Variants in CAPN11 observed in about 807,000 individuals in gnomAD.
CAPN11 encodes the protein calpain-11.
In CAPN11, 108 loss-of-function variants were observed where a neutral mutation model predicts 105.3. The observed-to-expected ratio is 1.03, with a 90% confidence interval of 0.88 to 1.20. The LOEUF is 1.20. CAPN11 is among the 50% of genes most tolerant of loss of function. The pLI is 0.00. For missense variants in CAPN11, 883 were observed against 924.8 expected, an observed-to-expected ratio of 0.95 and a Z score of 0.59; for synonymous variants, 329 against 344.5, an observed-to-expected ratio of 0.96 and a Z score of 0.50.
In CAPN11 at chr6:44,180,511, C is replaced by G. The variant is rs754663276; in HGVS notation, c.1680+12C>G. 7 of 1,613,588 alleles carry G rather than the reference C, an allele frequency of 4.3e-6. No homozygotes were observed. The Admixed American group carries it at 1.0e-4, about 23-fold the overall frequency. ...AGCAACTCCAAGAGGTGAGGGGAGA[C>G]TGTAGGGCTGGGGGTTGGAAGGAAG... is the stretch of plus-strand genomic sequence containing the variant. On this transcript the variant is annotated intron_variant, in intron 15 of 22. Transcript: ENST00000398776.
chr6:44,182,164 ACT>A (rs754482771), intron 19 of CAPN11, among the ~76,000 whole-genome samples: 4 of 9,280 alleles, frequency 4.3e-4, no homozygotes, highest in Non-Finnish European at 1.2e-3. Context: ...ACCACACCAC[ACT>A]CACACACACA....
At chr6:44,181,362 G>A in intron 19 of CAPN11, 42 bp downstream of exon 19, 1 of 1,578,970 alleles carries the variant, frequency 6.3e-7, no homozygotes, top group Admixed American at 1.7e-5. Flanking sequence ...GTGAGGAAAA[G>A]AGGGTCTTAG....
chr6:44,175,775 AAAT>A (rs970497954), intron 7 of CAPN11, among the ~76,000 whole-genome samples: 31 of 63,338 alleles, frequency 4.9e-4, no homozygotes, highest in African/African-American at 1.1e-3. Flanking sequence ...GCTCTGTCTC[AAAT>A]AATAATAAAT....
Position 44,184,072 on chromosome 6 carries a change from C to G in CAPN11, c.*140C>G, listed in dbSNP as rs548796758. On this transcript the variant is annotated 3_prime_UTR_variant, in exon 23 of 23. Coordinates refer to ENST00000398776, the MANE Select transcript of CAPN11 (RefSeq NM_007058.4). Reference sequence around the variant, plus strand: ...GGCTCCAGGTGGCAGTGCCCGGGTCCCAGGTGCCGTGTTTACTGCAGCAGT... The same window carrying G: ...GGCTCCAGGTGGCAGTGCCCGGGTCGCAGGTGCCGTGTTTACTGCAGCAGT... 3.4e-6 allele frequency: 3 copies of G among 872,998 alleles called. No homozygotes were observed. In the South Asian group the frequency reaches 4.8e-5, roughly 14 times the overall value. The allele number at this position is 872,998 out of a possible 1,614,324, so 54.1% of individuals were successfully genotyped here. A position where few individuals can be genotyped will look rare whatever the true frequency, so the allele number is the denominator to read the frequency against.
At chr6:44,165,783 G>A (rs1769718748) in intron 1 of CAPN11, among the ~76,000 whole-genome samples, 1 of 152,150 alleles carries the variant, frequency 6.6e-6, no homozygotes, top group Admixed American at 6.5e-5. Flanking sequence ...GGGGCTCTGG[G>A]GGCTGGCCTT....
rs1368572642 is a variant in CAPN11, at chr6:44,166,815, G to C, written c.74G>C (p.Arg25Pro). 3.9e-6 allele frequency: 6 copies of C among 1,551,726 alleles called. No homozygotes were observed. The highest frequency in any genetic ancestry group is 2.4e-5 in the South Asian group (2 of 84,048). The change falls in exon 2 of 23, where the codon CGG becomes CCG. Residue 25 changes from arginine to proline, a missense_variant. Transcript: ENST00000398776. ...GATGGATCACAGGAGGATAAGCCTC[G>C]GGGCTCATGTGCGGGTAGGACTGCA... ...SLDGSQEDKP[R>P]GSCAEPTFTD...
intron 1 of CAPN11, among the ~76,000 whole-genome samples, chr6:44,162,924 A>G (rs559971782): frequency 2.0e-5 from 3 of 152,276 alleles, no homozygotes; most frequent in East Asian, 1.9e-4. Context: ...AAGCACACAC[A>G]TGACTCCAAT....
In CAPN11 at chr6:44,163,441, A is replaced by G. The variant is rs535202709; in HGVS notation, c.17-3317A>G. Among the ~76,000 whole-genome samples, 9 of 152,294 alleles carry G rather than the reference A, an allele frequency of 5.9e-5. No individual in the cohort carries two copies. The South Asian group carries it at 1.7e-3, about 28-fold the overall frequency. ...TCACTCATCCCTCTCCAGCACAGCC[A>G]TGGCTCCTCACCATGGCGACCTCCC... On this transcript the variant is annotated intron_variant, in intron 1 of 22. Coordinates refer to ENST00000398776, the MANE Select transcript of CAPN11 (RefSeq NM_007058.4).
At chr6:44,172,485 G>A in intron 5 of CAPN11, 65 bp downstream of exon 5, 1 of 964,044 alleles carries the variant, frequency 1.0e-6, no homozygotes, top group Non-Finnish European at 1.5e-6. Flanking sequence ...TATATGCTTT[G>A]AAGTTTACCT....
chr6:44,177,106 G>A (rs150237277), intron 11 of CAPN11, 108 bp downstream of exon 11: 16 of 1,486,940 alleles, frequency 1.1e-5, no homozygotes, highest in Non-Finnish European at 1.4e-5. Context: ...GGGTCCATGA[G>A]GTCAAGGGTT....
Position 44,182,924 on chromosome 6 carries a change from T to G in CAPN11, c.1939-17T>G, listed in dbSNP as rs1774034994. The stretch of plus-strand genomic sequence containing the variant: ...ATGCCATGCATGTGGCCCTACCATA[T>G]CTGTCTGTCTCTTCAGGACATCTTC... On this transcript the variant is annotated splice_polypyrimidine_tract_variant and intron_variant, in intron 19 of 22. Coordinates refer to ENST00000398776, the MANE Select transcript of CAPN11 (RefSeq NM_007058.4). The G allele has an allele frequency of 3.2e-6, 5 of 1,587,004 alleles. No individual in the cohort carries two copies. The highest frequency in any genetic ancestry group is 4.3e-6 in the Non-Finnish European group (5 of 1,160,856).
At position 44,165,818 on chromosome 6, in the gene CAPN11, G is replaced by A. The variant is rs1769729316; in HGVS notation, c.17-940G>A. Among the ~76,000 whole-genome samples the A allele has an allele frequency of 2.6e-5, 4 of 152,290 alleles. No individual in the cohort carries two copies. The South Asian group carries it at 8.3e-4, about 32-fold the overall frequency. ...TATCCTGCTGGCAAAGCGATGTCCT[G>A]AAAGTTTCCAGAAGCAGTAAAGGGT... On this transcript the variant is annotated intron_variant, in intron 1 of 22. Coordinates refer to ENST00000398776, the MANE Select transcript of CAPN11 (RefSeq NM_007058.4).
At chr6:44,168,273 CT>C (rs199800243) in intron 2 of CAPN11, among the ~76,000 whole-genome samples, 1 of 152,010 alleles carries the variant, frequency 6.6e-6, no homozygotes, top group Non-Finnish European at 1.5e-5. Flanking sequence ...GGTTCTTTCT[CT>C]TTTTTTCTTT....
At position 44,173,439 on chromosome 6, in the gene CAPN11, C is replaced by CAACAGAG. The variant is rs1166024496; in HGVS notation, c.831+53_831+54insAACAGAG. On this transcript the variant is annotated intron_variant, in intron 7 of 22. Coordinates refer to ENST00000398776, the MANE Select transcript of CAPN11 (RefSeq NM_007058.4). ...GCCTTTGCACCTGCTGTTGCTGTCA[C>CAACAGAG]CCAAAAGGCTCTTCCCCCAGTATCT... is the stretch of plus-strand genomic sequence containing the variant. The CAACAGAG allele has an allele frequency of 1.3e-4, 156 of 1,206,854 alleles. No individual in the cohort carries two copies. In the Admixed American group the frequency reaches 3.2e-3, roughly 25 times the overall value. 74.8% of individuals were successfully genotyped at this position (1,206,854 alleles called of 1,614,324 possible). A position where few individuals can be genotyped will look rare whatever the true frequency, so the allele number is the denominator to read the frequency against.
intron 2 of CAPN11, 117 bp downstream of exon 2, chr6:44,166,946 G>A (rs1582862389): frequency 5.1e-6 from 3 of 591,920 alleles, no homozygotes; most frequent in East Asian, 7.4e-5. Flanking sequence ...TGTGGGGAGG[G>A]CGGCGGGGGG....
At chr6:44,165,614 GGGA>G (rs1298661704) in intron 1 of CAPN11, among the ~76,000 whole-genome samples, 4 of 152,210 alleles carry the variant, frequency 2.6e-5, no homozygotes, top group Non-Finnish European at 5.9e-5. Context: ...TGGAGGGAAG[GGGA>G]GGATGAGGTT....
Position 44,181,090 on chromosome 6 carries a change from T to C in CAPN11, c.1869+93T>C, listed in dbSNP as rs1032170254. The C allele has an allele frequency of 4.0e-6, 5 of 1,256,720 alleles. No homozygotes were observed. The African/African-American group carries it at 7.3e-5, about 18-fold the overall frequency. 77.8% of individuals were successfully genotyped at this position (1,256,720 alleles called of 1,614,324 possible). On this transcript the variant is annotated intron_variant, in intron 18 of 22. Transcript: ENST00000398776. Reference sequence around the variant, plus strand: ...CCTGGGCCAGCCACGTCCTCCTCCCTGATGGGGATTAGGCTCTGGGGTAGC... The same window carrying C: ...CCTGGGCCAGCCACGTCCTCCTCCCCGATGGGGATTAGGCTCTGGGGTAGC...
intron 1 of CAPN11, among the ~76,000 whole-genome samples, chr6:44,165,603 G>A (rs1232241720): frequency 6.6e-6 from 1 of 152,210 alleles, no homozygotes; most frequent in Non-Finnish European, 1.5e-5. Flanking sequence ...CACTGGCTAG[G>A]TGGAGGGAAG....
intron 18 of CAPN11, 85 bp downstream of exon 18, chr6:44,181,082 C>T (rs185795048): frequency 3.0e-6 from 4 of 1,313,126 alleles, no homozygotes; most frequent in African/African-American, 2.9e-5. Context: ...CAGCCACGTC[C>T]TCCTCCCTGA....
Sources: gnomAD v4.1 joint callset for allele counts (sites outside exome capture counted in the v4.1 genomes callset) on GRCh38, gnomAD v4.1.1 for gene constraint, MANE v1.5 for transcripts, NCBI Gene and HGNC (gene_info 2026-07-23, HGNC 2026-07-21) for gene names.